Variants in WWOX observed in about 807,000 individuals in gnomAD.
The protein encoded by WWOX is WW domain-containing oxidoreductase.
A neutral mutation model predicts 46.2 loss-of-function variants in WWOX; 69 were observed. The observed-to-expected ratio is 1.49, with a 90% CI of 1.23 to 1.82. The LOEUF (loss-of-function observed/expected upper bound fraction) is 1.82, where lower values mean the gene tolerates loss of function less well. Among genes scored for constraint, WWOX ranks in the 40% most tolerant of loss-of-function variants. The pLI is 0.00. For missense variants in WWOX, 919 were observed against 542.6 expected (o/e 1.69, Z -6.89); for synonymous variants, 359 against 202.6 (o/e 1.77, Z -6.56).
chr16:79,085,383 C>T lies in WWOX; in HGVS notation c.1057-126225C>T, dbSNP rs1028867523. On this transcript the variant is annotated intron_variant, in intron 8 of 8. Transcript: ENST00000566780. ...TGGACAGATGATGCTTTTCACTCTT[C>T]TGGGAGGTTCCCACTGGGTGGTCTG... 5.3e-5 allele frequency among the ~76,000 whole-genome samples: 8 copies of T among 152,180 alleles called. No individual in the cohort carries two copies. In the South Asian group the frequency reaches 1.7e-3, roughly 32 times the overall value.
At chr16:78,953,585 GTCCCC>G (rs2046106288) in intron 8 of WWOX, among the ~76,000 whole-genome samples, 1 of 152,162 alleles carries the variant, frequency 6.6e-6, no homozygotes, top group African/African-American at 2.4e-5. Context: ...CAGAGAGTGT[GTCCCC>G]TCCACTGTTG....
intron 8 of WWOX, among the ~76,000 whole-genome samples, chr16:79,136,083 G>A (rs189011809): frequency 3.4e-4 from 51 of 152,202 alleles, no homozygotes; most frequent in African/African-American, 1.2e-3. Flanking sequence ...CAGTGAATTT[G>A]GCAGAATACC....
At chr16:78,752,808 A>G (rs1416683140) in intron 8 of WWOX, among the ~76,000 whole-genome samples, 1 of 152,212 alleles carries the variant, frequency 6.6e-6, no homozygotes. Flanking sequence ...ATAATTACTT[A>G]AATGGCCTGG....
intron 8 of WWOX, among the ~76,000 whole-genome samples, chr16:79,031,822 CTA>C (rs1224826573): frequency 3.3e-4 from 37 of 111,170 alleles, no homozygotes; most frequent in Admixed American, 1.1e-3. Context: ...TATATATAAT[CTA>C]TATATGATAT....
intron 8 of WWOX, among the ~76,000 whole-genome samples, chr16:79,175,734 AG>A (rs1340526248): frequency 6.6e-6 from 1 of 152,196 alleles, no homozygotes; most frequent in African/African-American, 2.4e-5. Flanking sequence ...TTAACAAAAA[AG>A]ATCCTTTCAG....
intron 5 of WWOX, among the ~76,000 whole-genome samples, chr16:78,331,697 T>A (rs191630842): frequency 5.2e-4 from 79 of 152,276 alleles, no homozygotes; most frequent in African/African-American, 1.9e-3. Flanking sequence ...AAGAGTTTTG[T>A]TATCCTGATA....
At chr16:78,791,305 G>C (rs2050592982) in intron 8 of WWOX, among the ~76,000 whole-genome samples, 1 of 152,136 alleles carries the variant, frequency 6.6e-6, no homozygotes, top group South Asian at 2.1e-4. Context: ...GTGATGTGCT[G>C]GGTGTTGTGG....
chr16:78,573,192 A>G (rs1334198098), intron 8 of WWOX, among the ~76,000 whole-genome samples: 1 of 152,078 alleles, frequency 6.6e-6, no homozygotes, highest in East Asian at 1.9e-4. Flanking sequence ...AGGCTGAGGC[A>G]GGAGAATGGC....
chr16:79,031,585 G>A (rs2047755376), intron 8 of WWOX, among the ~76,000 whole-genome samples: 1 of 151,908 alleles, frequency 6.6e-6, no homozygotes, highest in Non-Finnish European at 1.5e-5. Flanking sequence ...CTGGGCATAT[G>A]TGGAATTTTT....
intron 8 of WWOX, among the ~76,000 whole-genome samples, chr16:79,081,492 C>T (rs2048759575): frequency 6.6e-6 from 1 of 152,200 alleles, no homozygotes; most frequent in Non-Finnish European, 1.5e-5. Flanking sequence ...CAGTCATTTT[C>T]ATGGCGATGT....
At chr16:78,767,720 C>T (rs185223455) in intron 8 of WWOX, among the ~76,000 whole-genome samples, 1 of 152,106 alleles carries the variant, frequency 6.6e-6, no homozygotes, top group African/African-American at 2.4e-5. Context: ...TCCACATCTA[C>T]CCAATACTTA....
chr16:78,544,656 T>G (rs2151532794), intron 8 of WWOX, among the ~76,000 whole-genome samples: 1 of 152,250 alleles, frequency 6.6e-6, no homozygotes, highest in Admixed American at 6.5e-5. Context: ...GAGGATAACT[T>G]GAGTCCGGGA....
At chr16:79,090,205 G>C (rs2048929686) in intron 8 of WWOX, 1 of 152,066 alleles carries the variant, frequency 6.6e-6, no homozygotes. Flanking sequence ...TCTTGACTTG[G>C]TGGGTCTGAG....
chr16:78,124,305 T>C (rs1415368087), intron 4 of WWOX: 1 of 152,178 alleles, frequency 6.6e-6, no homozygotes, highest in East Asian at 1.9e-4. Flanking sequence ...AGTGTGTTCG[T>C]TGTTTATCTA....
intron 8 of WWOX, among the ~76,000 whole-genome samples, chr16:78,720,970 A>G (rs1368329408): frequency 1.3e-5 from 2 of 152,168 alleles, no homozygotes; most frequent in East Asian, 3.9e-4. Context: ...AGTGGACGCT[A>G]ATCACCACCG....
intron 8 of WWOX, among the ~76,000 whole-genome samples, chr16:79,181,636 C>A (rs772356864): frequency 4.6e-5 from 7 of 152,018 alleles, no homozygotes; most frequent in Non-Finnish European, 1.0e-4. Context: ...TATTACTCAG[C>A]CTTTGGGTGG....
chr16:78,498,201 T>G (rs1393187168), intron 8 of WWOX, among the ~76,000 whole-genome samples: 1 of 10,682 alleles, frequency 9.4e-5, no homozygotes, highest in Non-Finnish European at 1.4e-3. Context: ...CAAGACTCCA[T>G]CTCAAAAAAA....
At chr16:78,493,445 C>T (rs544666782) in intron 8 of WWOX, among the ~76,000 whole-genome samples, 1 of 152,304 alleles carries the variant, frequency 6.6e-6, no homozygotes, top group South Asian at 2.1e-4. Flanking sequence ...GCTAGGTCCA[C>T]CTGTGTGAGT....
intron 8 of WWOX, among the ~76,000 whole-genome samples, chr16:78,497,196 G>T (rs1006247649): frequency 1.8e-4 from 28 of 151,662 alleles, no homozygotes; most frequent in African/African-American, 6.5e-4. Flanking sequence ...ATATGCACAT[G>T]AGGAAGTTGA....
Sources: allele counts gnomAD v4.1 joint callset (sites outside exome capture counted in the v4.1 genomes callset), GRCh38; gene constraint gnomAD v4.1.1; transcripts MANE v1.5; gene names NCBI Gene and HGNC (gene_info 2026-07-23, HGNC 2026-07-21).